AGAP1: variants seen among roughly 807,000 people sequenced by gnomAD.
AGAP1 encodes ArfGAP with GTPase domain, ankyrin repeat and PH domain 1, also known as arf-GAP with GTPase, ANK repeat and PH domain-containing protein 1.
A neutral mutation model predicts 105.3 loss-of-function variants in AGAP1; 29 were observed. The ratio of observed to expected loss-of-function variants is 0.28; its 90% CI spans 0.21 to 0.38. The LOEUF is 0.38. Ranked by LOEUF, AGAP1 falls within the 10% of genes least tolerant of loss-of-function variation. The pLI is 1.00. For synonymous variants in AGAP1, 509 were observed against 485.9 expected, an observed-to-expected ratio of 1.05 and a Z score of -0.63; for missense variants, 998 against 1,165.1, an observed-to-expected ratio of 0.86 and a Z score of 2.09.
rs1946438564 is a variant in AGAP1, at chr2:235,620,381, A to G, written c.164-88798A>G. Among the ~76,000 whole-genome samples, 1 of 152,120 alleles carries G rather than the reference A, an allele frequency of 6.6e-6. No homozygotes were observed. The highest frequency in any genetic ancestry group is 6.5e-5 in the Admixed American group (1 of 15,272). On this transcript the variant is annotated intron_variant, in intron 1 of 17. Coordinates refer to ENST00000304032, the MANE Select transcript of AGAP1 (RefSeq NM_001037131.3). This position sits in a 1 kb window ranked among gnomAD's most constrained non-coding sequence, Gnocchi z 4.5. ...CCCTGAGAAGCCGGGTCAGAGTGTG[A>G]TGCCCTCTGCCAAAACCTCCTCCTG...
At chr2:235,851,702 AAAG>A (rs893278793) in intron 9 of AGAP1, among the ~76,000 whole-genome samples, 19 of 152,276 alleles carry the variant, frequency 1.2e-4, no homozygotes, top group Admixed American at 7.2e-4. Context: ...CCATGAACAG[AAAG>A]AAGAAGAAGG....
rs1459654302 is a variant in AGAP1, at chr2:236,123,145, C to T, written c.2371-774C>T. On this transcript the variant is annotated intron_variant, in intron 17 of 17. Coordinates refer to ENST00000304032, the MANE Select transcript of AGAP1 (RefSeq NM_001037131.3). This position sits in a 1 kb window ranked among gnomAD's most constrained non-coding sequence, Gnocchi z 4.6. ...CTGGAGTGCAGTGGTGTGATGTCGG[C>T]CCACGGCAGCCTCTGCCTCCTAGGC... 6.6e-6 allele frequency among the ~76,000 whole-genome samples: 1 copy of T among 152,140 alleles called. No homozygotes were observed. The highest frequency in any genetic ancestry group is 6.5e-5 in the Admixed American group (1 of 15,276).
intron 1 of AGAP1, among the ~76,000 whole-genome samples, chr2:235,583,873 T>TAAAAA (rs538942191): frequency 1.2e-4 from 16 of 133,248 alleles, no homozygotes; most frequent in Non-Finnish European, 2.1e-4. Flanking sequence ...GATCATGTCT[T>TAAAAA]AAAAAAAAAA....
intron 1 of AGAP1, among the ~76,000 whole-genome samples, chr2:235,515,883 T>C (rs962287043): frequency 6.6e-6 from 1 of 151,880 alleles, no homozygotes; most frequent in African/African-American, 2.4e-5. Flanking sequence ...GAAAGAGATA[T>C]TTAAGGGGGT....
intron 3 of AGAP1, among the ~76,000 whole-genome samples, chr2:235,727,352 G>T (rs763490944): frequency 6.6e-6 from 1 of 151,934 alleles, no homozygotes; most frequent in Non-Finnish European, 1.5e-5. Context: ...GGGGGGAGGG[G>T]GTGTTGTGCA....
chr2:235,513,632 C>T (rs1020601637), intron 1 of AGAP1, among the ~76,000 whole-genome samples: 2 of 152,006 alleles, frequency 1.3e-5, no homozygotes, highest in East Asian at 1.9e-4. Context: ...GACGAGCCCC[C>T]TGGCAAGGCT....
chr2:235,885,388 T>G (rs1316807535), intron 10 of AGAP1, among the ~76,000 whole-genome samples: 1 of 152,228 alleles, frequency 6.6e-6, no homozygotes, highest in East Asian at 1.9e-4. Flanking sequence ...TACTTTCAGT[T>G]TTTTCACTGT....
Position 236,014,194 on chromosome 2 carries a change from C to CA in AGAP1, c.1646-22367_1646-22366insA, listed in dbSNP as rs2056613703. On this transcript the variant is annotated intron_variant, in intron 13 of 17. Coordinates refer to ENST00000304032, the MANE Select transcript of AGAP1 (RefSeq NM_001037131.3). The surrounding 1 kb of genome is among the most constrained non-coding windows in gnomAD (Gnocchi z 6.3). ...AGGAGCTCCATTTAGAGCCGTAACT[C>CA]CCCCGAGTGTCAAAGAGAATAGACT... is the stretch of plus-strand genomic sequence containing the variant. Among the ~76,000 whole-genome samples, 2 of 152,194 alleles carry CA rather than the reference C, an allele frequency of 1.3e-5. No individual in the cohort carries two copies. Among genetic ancestry groups the CA allele is most frequent in the African/African-American group, 4.8e-5 (2 of 41,448 alleles).
Position 235,753,090 on chromosome 2 carries a change from T to TA in AGAP1, c.673+2603dup, listed in dbSNP as rs1953594542. Among the ~76,000 whole-genome samples, 2 of 152,184 alleles carry TA rather than the reference T, an allele frequency of 1.3e-5. No individual in the cohort carries two copies. The highest frequency in any genetic ancestry group is 4.8e-5 in the African/African-American group (2 of 41,452). ...GTCACCTGGCAGAGGCCCCACCTCT[T>TA]ATTCCCCTGGGGGTCAGGATTTCAG... On this transcript the variant is annotated intron_variant, in intron 6 of 17. Transcript: ENST00000304032. This position sits in a 1 kb window ranked among gnomAD's most constrained non-coding sequence, Gnocchi z 4.5.
chr2:235,859,107 C>A (rs2048807563), intron 9 of AGAP1, among the ~76,000 whole-genome samples: 1 of 152,170 alleles, frequency 6.6e-6, no homozygotes, highest in Admixed American at 6.5e-5. Flanking sequence ...ATTAATGGTG[C>A]TCGGCGGCTG....
At chr2:235,497,945 T>C (rs1232977699) in intron 1 of AGAP1, among the ~76,000 whole-genome samples, 2 of 152,174 alleles carry the variant, frequency 1.3e-5, no homozygotes, top group Non-Finnish European at 2.9e-5. Context: ...GTTTCTCTTG[T>C]TGGCACAAAA....
rs997266631 is a variant in AGAP1 at position 236,078,835 on chromosome 2, C to G, written c.2114+29554C>G. ...CCACCCTCCTACCCCTGCAGCGGCCCCATCCCACGTGGTTAAGTGGGTGGC... is the reference window on the plus strand; with the variant it reads ...CCACCCTCCTACCCCTGCAGCGGCCGCATCCCACGTGGTTAAGTGGGTGGC... On this transcript the variant is annotated intron_variant, in intron 16 of 17. Transcript: ENST00000304032. The surrounding 1 kb of genome is among the most constrained non-coding windows in gnomAD (Gnocchi z 5.3). 1.3e-5 allele frequency among the ~76,000 whole-genome samples: 2 copies of G among 152,176 alleles called. No individual in the cohort carries two copies. The highest frequency in any genetic ancestry group is 4.8e-5 in the African/African-American group (2 of 41,446).
rs554197740 is a variant in AGAP1 at position 235,633,516 on chromosome 2, C to T, written c.164-75663C>T. Among the ~76,000 whole-genome samples the T allele has an allele frequency of 1.2e-4, 19 of 152,128 alleles. No homozygotes were observed. The highest frequency in any genetic ancestry group is 2.5e-4 in the Non-Finnish European group (17 of 68,026). On this transcript the variant is annotated intron_variant, in intron 1 of 17. Transcript: ENST00000304032. The surrounding 1 kb of genome is among the most constrained non-coding windows in gnomAD (Gnocchi z 4.8). The stretch of plus-strand genomic sequence containing the variant: ...GCTAAAGCAGGAGAATCCCTCGAAC[C>T]CAGGAGGAGGAGGTTGCAGTGAGTC...
intron 11 of AGAP1, among the ~76,000 whole-genome samples, chr2:235,913,079 T>G (rs1176628305): frequency 1.3e-5 from 2 of 152,204 alleles, no homozygotes; most frequent in African/African-American, 4.8e-5. Context: ...TTTTATGGTC[T>G]TCTTTACATA....
At chr2:236,086,021 A>G (rs1269748012) in intron 16 of AGAP1, among the ~76,000 whole-genome samples, 1 of 152,198 alleles carries the variant, frequency 6.6e-6, no homozygotes, top group Non-Finnish European at 1.5e-5. Context: ...TGTTCCATTG[A>G]CTGCATTTTT....
Position 236,045,869 on chromosome 2 carries a change from T to G in AGAP1, c.1892-3190T>G, listed in dbSNP as rs1453163949. 2 of 451,896 alleles carry G rather than the reference T, an allele frequency of 4.4e-6. No individual in the cohort carries two copies. Among genetic ancestry groups the G allele is most frequent in the African/African-American group, 4.0e-5 (2 of 49,882 alleles). 28.0% of individuals were successfully genotyped at this position (451,896 alleles called of 1,614,324 possible). ...TCAGTCAGCCCCAGCCTTACCTGTCTCTAAGCAGAGGGTGGTGAGCATGGG... is the reference window on the plus strand; with the variant it reads ...TCAGTCAGCCCCAGCCTTACCTGTCGCTAAGCAGAGGGTGGTGAGCATGGG... On this transcript the variant is annotated intron_variant, in intron 15 of 17. Coordinates refer to ENST00000304032, the MANE Select transcript of AGAP1 (RefSeq NM_001037131.3). This position sits in a 1 kb window ranked among gnomAD's most constrained non-coding sequence, Gnocchi z 6.9.
chr2:235,911,047 A>G (rs920096026), intron 11 of AGAP1, among the ~76,000 whole-genome samples: 9 of 152,210 alleles, frequency 5.9e-5, no homozygotes, highest in African/African-American at 1.9e-4. Context: ...ATCTAGTTAC[A>G]TAAGTAAAAG....
chr2:235,707,469 A>T (rs978077800), intron 1 of AGAP1, among the ~76,000 whole-genome samples: 1 of 10,166 alleles, frequency 9.8e-5, no homozygotes, highest in African/African-American at 3.1e-4. Context: ...TGCCCTCCCC[A>T]TGACCCCCCC....
intron 13 of AGAP1, among the ~76,000 whole-genome samples, chr2:235,969,354 T>G (rs901066888): frequency 1.3e-5 from 2 of 152,050 alleles, no homozygotes; most frequent in African/African-American, 4.8e-5. Flanking sequence ...GAGGTAAAAT[T>G]AATGCAGTTG....
Sources: gnomAD v4.1 joint callset for allele counts (sites outside exome capture counted in the v4.1 genomes callset) on GRCh38, gnomAD v4.1.1 for gene constraint, Gnocchi (gnomAD v3.1) non-coding constraint, MANE v1.5 for transcripts, NCBI Gene and HGNC (gene_info 2026-07-23, HGNC 2026-07-21) for gene names.